Variants in HYDIN observed in about 807,000 individuals in gnomAD.
The protein encoded by HYDIN is axonemal central pair apparatus protein HYDIN.
In HYDIN, 132 loss-of-function variants were observed where a neutral mutation model predicts 403.9. The observed-to-expected ratio is 0.33, with a 90% confidence interval of 0.28 to 0.38. The LOEUF is 0.38. HYDIN is among the 10% of genes least tolerant of loss of function. The pLI, the probability that HYDIN is intolerant of heterozygous loss-of-function variation, is 1.00. For missense variants in HYDIN, 2,827 were observed against 5,009.5 expected (o/e 0.56, Z 13.15); for synonymous variants, 1,202 against 1,891.7 (o/e 0.64, Z 9.46).
At chr16:71,028,028 C>T (rs539363826) in intron 19 of HYDIN, among the ~76,000 whole-genome samples, 153 bp from the exon 20 acceptor site, 8 of 135,664 alleles carry the variant, frequency 5.9e-5, no homozygotes, top group African/African-American at 1.8e-4. Context: ...GACTAAGTCA[C>T]GATGCCACTA....
intron 45 of HYDIN, among the ~76,000 whole-genome samples, chr16:70,922,728 T>C (rs1219252574): frequency 3.3e-5 from 5 of 150,190 alleles, no homozygotes; most frequent in Admixed American, 6.6e-5. Context: ...TATCAACAAA[T>C]GAGGACTATA....
chr16:71,165,311 T>C (rs1162491330), intron 5 of HYDIN, among the ~76,000 whole-genome samples: 1 of 151,636 alleles, frequency 6.6e-6, no homozygotes, highest in African/African-American at 2.4e-5. Context: ...GTTCTCTCCT[T>C]CCCTCTACTT....
chr16:70,804,391 A>C lies in HYDIN; in HGVS notation c.*3189T>G, dbSNP rs2035018379. Among the ~76,000 whole-genome samples, 1 of 152,190 alleles carries C rather than the reference A, an allele frequency of 6.6e-6. No individual in the cohort carries two copies. The highest frequency in any genetic ancestry group is 1.5e-5 in the Non-Finnish European group (1 of 68,018). On this transcript the variant is annotated 3_prime_UTR_variant, in exon 86 of 86. Coordinates refer to ENST00000393567, the MANE Select transcript of HYDIN (RefSeq NM_001270974.2). ...AAAGGTCACTGAGTGATGAGATGGGAGGAGACCCTCAAATCCATCTCCCGG... is the reference window on the plus strand; with the variant it reads ...AAAGGTCACTGAGTGATGAGATGGGCGGAGACCCTCAAATCCATCTCCCGG...
intron 1 of HYDIN, among the ~76,000 whole-genome samples, chr16:71,200,858 G>A (rs542025280): frequency 6.6e-6 from 1 of 152,240 alleles, no homozygotes; most frequent in Admixed American, 6.5e-5. Context: ...GAAAGGCAAA[G>A]TACTTATCTC....
At chr16:71,153,421 C>T (rs1462727686) in intron 6 of HYDIN, among the ~76,000 whole-genome samples, 2 of 150,912 alleles carry the variant, frequency 1.3e-5, no homozygotes, top group Non-Finnish European at 3.0e-5. Flanking sequence ...AACAGTAGCG[C>T]TGCCACAAAA....
chr16:70,838,370 T>C (rs2037584255), intron 76 of HYDIN, among the ~76,000 whole-genome samples: 1 of 152,040 alleles, frequency 6.6e-6, no homozygotes, highest in African/African-American at 2.4e-5. Flanking sequence ...TTTGTATTTT[T>C]AGTAGATGCA....
chr16:71,108,761 A>G (rs1002591909), intron 10 of HYDIN, among the ~76,000 whole-genome samples: 7 of 151,978 alleles, frequency 4.6e-5, no homozygotes, highest in Admixed American at 3.9e-4. Context: ...ACAAAGTCCA[A>G]CATGGGTCTC....
At chr16:71,126,722 G>T (rs981673950) in intron 9 of HYDIN, among the ~76,000 whole-genome samples, 6 of 152,024 alleles carry the variant, frequency 3.9e-5, no homozygotes, top group Non-Finnish European at 7.4e-5. Flanking sequence ...AATTGCCTCG[G>T]ATATGTTTCT....
In HYDIN at chr16:70,908,266, A is replaced by G. The variant is rs375589858; in HGVS notation, c.8382T>C (p.Ile2794=). The part of the protein sequence containing the change: ...YCRGICTYPY[I]CQDPKVVFPQ... ...AACACACTTACTTTGGGTCTTGGCA[A>G]ATGTATGGGTAAGTGCAGATGCCTC... Residue 2794 remains isoleucine (I), a synonymous_variant, in exon 49 of 86, where the codon ATT becomes ATC. Transcript: ENST00000393567. 48 of 1,248,470 alleles carry G rather than the reference A, an allele frequency of 3.8e-5. No individual in the cohort carries two copies. In the African/African-American group the frequency reaches 7.1e-4, roughly 18 times the overall value. 77.3% of individuals were successfully genotyped at this position (1,248,470 alleles called of 1,614,324 possible). A position where few individuals can be genotyped will look rare whatever the true frequency, so the allele number is the denominator to read the frequency against.
At chr16:71,179,068 T>G (rs1465073515) in intron 3 of HYDIN, 21 bp from the exon 4 acceptor site, 2 of 1,599,990 alleles carry the variant, frequency 1.3e-6, no homozygotes, top group African/African-American at 2.7e-5. Context: ...AAGAGTAAAT[T>G]ATTGTTATAG....
At chr16:70,906,180 G>T (rs919632361) in intron 50 of HYDIN, among the ~76,000 whole-genome samples, 2 of 152,130 alleles carry the variant, frequency 1.3e-5, no homozygotes, top group South Asian at 2.1e-4. Context: ...AAGAATGGCT[G>T]ATCATCAGTC....
At chr16:71,161,389 C>G (rs1001250743) in intron 6 of HYDIN, among the ~76,000 whole-genome samples, 1 of 152,228 alleles carries the variant, frequency 6.6e-6, no homozygotes, top group African/African-American at 2.4e-5. Context: ...TAAAAGGCCA[C>G]GGACTGGACC....
chr16:71,207,159 T>C (rs1285428330), intron 1 of HYDIN, among the ~76,000 whole-genome samples: 6 of 152,092 alleles, frequency 3.9e-5, no homozygotes, highest in Admixed American at 3.9e-4. Flanking sequence ...GGAAAAAATG[T>C]TAAAGGCAGC....
chr16:71,184,261 G>A (rs1324755478), intron 3 of HYDIN, among the ~76,000 whole-genome samples: 1 of 152,082 alleles, frequency 6.6e-6, no homozygotes, highest in Non-Finnish European at 1.5e-5. Context: ...ACTATTGGAG[G>A]TTCATACCAT....
In HYDIN at chr16:71,073,743, C is replaced by G. The variant is rs1280024648; in HGVS notation, c.1739-4241G>C. Among the ~76,000 whole-genome samples, 5 of 152,168 alleles carry G rather than the reference C, an allele frequency of 3.3e-5. No homozygotes were observed. The South Asian group carries it at 1.0e-3, about 32-fold the overall frequency. ...GCCTTTAGTGTATCAGCTAGCATGC[C>G]AGTTGTTACTTGGTCCATTTATTCT... On this transcript the variant is annotated intron_variant, in intron 13 of 85. Coordinates refer to ENST00000393567, the MANE Select transcript of HYDIN (RefSeq NM_001270974.2).
chr16:70,849,735 G>A lies in HYDIN; in HGVS notation c.12864C>T (p.Leu4288=). 1 of 649,366 alleles carries A rather than the reference G, an allele frequency of 1.5e-6. No individual in the cohort carries two copies. Among genetic ancestry groups the A allele is most frequent in the Non-Finnish European group, 2.7e-6 (1 of 365,304 alleles). 40.2% of individuals were successfully genotyped at this position (649,366 alleles called of 1,614,324 possible). Residue 4288 remains leucine (L), a synonymous_variant, in exon 75 of 86, where the codon CTC becomes CTT. Transcript: ENST00000393567. ...TGTTAAATGGACTCACCTTGATTAT[G>A]AGTTCCAGGTCTGTCAAGACACACT... ...LKKCVLTDLE[L]IIKISHGPTF... is the part of the protein sequence containing the mutation.
intron 75 of HYDIN, among the ~76,000 whole-genome samples, chr16:70,845,798 A>G (rs1197693993): frequency 7.4e-6 from 1 of 135,946 alleles, no homozygotes; most frequent in African/African-American, 3.5e-5. Flanking sequence ...GAATTTATCC[A>G]TTTCTTCTAG....
In HYDIN at chr16:70,882,853, T is replaced by G; in HGVS notation, c.10022A>C (p.Gln3341Pro). Residue 3341 changes from glutamine to proline, a missense_variant, in exon 60 of 86, where the codon CAG (glutamine) becomes CCG (proline). Physicochemically the swap from Gln to Pro is moderately conservative, Grantham distance 76. Transcript: ENST00000393567. ...ENNALIFEEH[Q>P]ICTSANLHHI... Reference sequence around the variant, plus strand: ...GTGCAGGTTGGCACTGGTACATATCTGGTGCTCTTCAAATATCAAGGCATT... The same window carrying G: ...GTGCAGGTTGGCACTGGTACATATCGGGTGCTCTTCAAATATCAAGGCATT... 6.4e-7 allele frequency: 1 copy of G among 1,574,750 alleles called. No individual in the cohort carries two copies. Among genetic ancestry groups the G allele is most frequent in the Non-Finnish European group, 8.7e-7 (1 of 1,144,850 alleles).
At chr16:70,941,475 G>A (rs1420512172) in intron 43 of HYDIN, 161 bp downstream of exon 43, 9 of 451,228 alleles carry the variant, frequency 2.0e-5, no homozygotes, top group South Asian at 1.7e-4. Context: ...TCAGCAAAGC[G>A]TTCATCATAG....
Sources: gnomAD v4.1 joint callset for allele counts (sites outside exome capture counted in the v4.1 genomes callset) on GRCh38, gnomAD v4.1.1 for gene constraint, MANE v1.5 for transcripts, NCBI Gene and HGNC (gene_info 2026-07-23, HGNC 2026-07-21) for gene names.